ADCK2: variants seen among roughly 807,000 people sequenced by gnomAD.
The protein encoded by ADCK2 is uncharacterized aarF domain-containing protein kinase 2.
In ADCK2, 37 loss-of-function variants were observed where a neutral mutation model predicts 52.3. The ratio of observed to expected loss-of-function variants is 0.71; its 90% CI spans 0.54 to 0.93. The LOEUF (loss-of-function observed/expected upper bound fraction) is 0.93, where lower values mean the gene tolerates loss of function less well. Ranked by LOEUF, ADCK2 falls within the 40% of genes least tolerant of loss-of-function variation. The pLI, the probability that ADCK2 is intolerant of heterozygous loss-of-function variation, is 0.00. For missense variants in ADCK2, 695 were observed against 798.7 expected (o/e 0.87, Z 1.56); for synonymous variants, 321 against 349.2 (o/e 0.92, Z 0.90).
At chr7:140,684,065 G>T (rs1194450430) in intron 4 of ADCK2, among the ~76,000 whole-genome samples, 9 of 152,170 alleles carry the variant, frequency 5.9e-5, no homozygotes, top group Non-Finnish European at 1.0e-4. Context: ...GGAAAATGTG[G>T]ATGGTTGTCA....
Position 140,673,401 on chromosome 7 carries a change from G to A in ADCK2, c.71G>A (p.Gly24Glu), listed in dbSNP as rs1401218567. The change falls in exon 1 of 8, where the codon GGA becomes GAA. Residue 24 changes from glycine (G) to glutamate (E), a missense_variant. By Grantham distance (98) the Gly-to-Glu change is moderately conservative. Transcript: ENST00000072869. This position sits in a 1 kb window ranked among gnomAD's most constrained non-coding sequence, Gnocchi z 6.4. Reference sequence around the variant, plus strand: ...CTGAGGTGCTTCGAGCTCAGACAGGGACTCAGCCTCCTGAGGCCCTCCGAG... The same window carrying A: ...CTGAGGTGCTTCGAGCTCAGACAGGAACTCAGCCTCCTGAGGCCCTCCGAG... ...SHLRCFELRQ[G>E]LSLLRPSECP... 5 of 1,582,368 alleles carry A rather than the reference G, an allele frequency of 3.2e-6. No homozygotes were observed. The highest frequency in any genetic ancestry group is 4.3e-6 in the Non-Finnish European group (5 of 1,164,824).
At chr7:140,694,277 C>G (rs1794757825) in intron 7 of ADCK2, among the ~76,000 whole-genome samples, 1 of 152,150 alleles carries the variant, frequency 6.6e-6, no homozygotes, top group South Asian at 2.1e-4. Flanking sequence ...GAGTGAGACC[C>G]TGTCTCTAAA....
Position 140,673,561 on chromosome 7 carries a change from C to G in ADCK2, c.231C>G (p.Gly77=). ...GGGTCCGCTGCAGCGGGGCGGCTGG[C>G]GCGGGGCCCGCGGAGAGCCTCCCCC... The part of the protein sequence containing the change: ...RRRVRCSGAA[G]AGPAESLPRA... Residue 77 remains glycine (G), a synonymous_variant, in exon 1 of 8, where the codon GGC becomes GGG. Coordinates refer to ENST00000072869, the MANE Select transcript of ADCK2 (RefSeq NM_052853.4). This position sits in a 1 kb window ranked among gnomAD's most constrained non-coding sequence, Gnocchi z 6.4. 6.2e-7 allele frequency: 1 copy of G among 1,600,252 alleles called. No homozygotes were observed. Among genetic ancestry groups the G allele is most frequent in the Non-Finnish European group, 8.5e-7 (1 of 1,177,160 alleles).
chr7:140,675,870 A>T (rs1794401137), intron 2 of ADCK2, among the ~76,000 whole-genome samples: 1 of 152,212 alleles, frequency 6.6e-6, no homozygotes, highest in East Asian at 1.9e-4. Flanking sequence ...TTGTATAAGG[A>T]TACAGACTTA....
intron 5 of ADCK2, 31 bp from the exon 6 acceptor site, chr7:140,689,566 C>T (rs1185247000): frequency 6.4e-7 from 1 of 1,572,896 alleles, no homozygotes; most frequent in Non-Finnish European, 8.7e-7. Flanking sequence ...GCTAGCTCCA[C>T]TCCAAGTCCC....
Position 140,673,568 on chromosome 7 carries a change from C to T in ADCK2, c.238C>T (p.Pro80Ser). 1 of 1,601,376 alleles carries T rather than the reference C, an allele frequency of 6.2e-7. No individual in the cohort carries two copies. The highest frequency in any genetic ancestry group is 8.5e-7 in the Non-Finnish European group (1 of 1,177,626). ...VRCSGAAGAG[P>S]AESLPRAGPL... ...CTGCAGCGGGGCGGCTGGCGCGGGGCCCGCGGAGAGCCTCCCCCGAGCGGG... is the reference window on the plus strand; with the variant it reads ...CTGCAGCGGGGCGGCTGGCGCGGGGTCCGCGGAGAGCCTCCCCCGAGCGGG... Residue 80 changes from proline (P) to serine (S), a missense_variant, in exon 1 of 8, where the codon CCC (proline) becomes TCC (serine). By Grantham distance (74) the Pro-to-Ser change is moderately conservative. Coordinates refer to ENST00000072869, the MANE Select transcript of ADCK2 (RefSeq NM_052853.4). The surrounding 1 kb of genome is among the most constrained non-coding windows in gnomAD (Gnocchi z 6.4).
intron 4 of ADCK2, among the ~76,000 whole-genome samples, chr7:140,686,343 C>T (rs979508790): frequency 1.3e-5 from 2 of 152,138 alleles, no homozygotes; most frequent in African/African-American, 2.4e-5. Flanking sequence ...TGCAGTGGCA[C>T]GATCTCGGCT....
chr7:140,673,839 T>G lies in ADCK2; in HGVS notation c.509T>G (p.Leu170Arg), dbSNP rs1310949681. Residue 170 changes from leucine (L) to arginine (R), a missense_variant, in exon 1 of 8, where the codon CTG becomes CGG. Leu to Arg is a moderately radical substitution (Grantham distance 102). Coordinates refer to ENST00000072869, the MANE Select transcript of ADCK2 (RefSeq NM_052853.4). This position sits in a 1 kb window ranked among gnomAD's most constrained non-coding sequence, Gnocchi z 6.4. The part of the protein sequence containing the change: ...SEAFCAQFSK[L>R]HVRVTPHPWT... ...GCTTTCTGTGCCCAATTTTCCAAGC[T>G]GCATGTCCGAGTGACGCCCCACCCG... 1 of 1,613,848 alleles carries G rather than the reference T, an allele frequency of 6.2e-7. No homozygotes were observed. The highest frequency in any genetic ancestry group is 8.5e-7 in the Non-Finnish European group (1 of 1,180,038).
At chr7:140,684,423 G>A (rs367679085) in intron 4 of ADCK2, among the ~76,000 whole-genome samples, 5 of 152,280 alleles carry the variant, frequency 3.3e-5, no homozygotes, top group African/African-American at 1.2e-4. Flanking sequence ...CCCCATGCAG[G>A]AGATCTTAGA....
chr7:140,678,035 T>G lies in ADCK2; in HGVS notation c.1081-1120T>G, dbSNP rs1250330096. On this transcript the variant is annotated intron_variant, in intron 2 of 7. Transcript: ENST00000072869. The surrounding 1 kb of genome is among the most constrained non-coding windows in gnomAD (Gnocchi z 4.9). ...AAATCATGACCCACCTGGATGCCATTCTAAGGAGTGCAGACTTCACCATGC... is the reference window on the plus strand; with the variant it reads ...AAATCATGACCCACCTGGATGCCATGCTAAGGAGTGCAGACTTCACCATGC... Among the ~76,000 whole-genome samples, 6 of 151,992 alleles carry G rather than the reference T, an allele frequency of 3.9e-5. 1 individual carries two copies. The East Asian group carries it at 1.2e-3, about 29-fold the overall frequency.
chr7:140,674,465 G>T lies in ADCK2; in HGVS notation c.934-146G>T. 8.7e-7 allele frequency: 1 copy of T among 1,151,712 alleles called. No individual in the cohort carries two copies. Among genetic ancestry groups the T allele is most frequent in the Admixed American group, 2.8e-5 (1 of 35,318 alleles). 71.3% of individuals were successfully genotyped at this position (1,151,712 alleles called of 1,614,324 possible). On this transcript the variant is annotated intron_variant, in intron 1 of 7. Coordinates refer to ENST00000072869, the MANE Select transcript of ADCK2 (RefSeq NM_052853.4). This position sits in a 1 kb window ranked among gnomAD's most constrained non-coding sequence, Gnocchi z 4.6. ...GAGGAAAATGAACTGAGTCTGGAGT[G>T]AACTAACTGCTTGGGTGTCGGGACC...
Position 140,694,772 on chromosome 7 carries a change from T to A in ADCK2, c.1850T>A (p.Phe617Tyr), listed in dbSNP as rs1343596956. 1 of 1,613,782 alleles carries A rather than the reference T, an allele frequency of 6.2e-7. No individual in the cohort carries two copies. The change falls in exon 8 of 8, where the codon TTC (phenylalanine) becomes TAC (tyrosine). Residue 617 changes from phenylalanine (F) to tyrosine (Y), a missense_variant. Coordinates refer to ENST00000072869, the MANE Select transcript of ADCK2 (RefSeq NM_052853.4). ...KLDILEAARP[F>Y]LLTGPVCPP ...GACATCCTGGAGGCAGCGAGGCCCT[T>A]CCTCCTCACGGGCCCAGTGTGCCCC...
At chr7:140,690,931 T>C (rs1289504256) in intron 7 of ADCK2, 118 bp downstream of exon 7, 3 of 996,818 alleles carry the variant, frequency 3.0e-6, no homozygotes, top group African/African-American at 1.7e-5. Flanking sequence ...TTGTTGTTGT[T>C]TTTCTTTTTT....
At position 140,681,115 on chromosome 7, in the gene ADCK2, GGATCAACATGCTCCTGAA is replaced by G; in HGVS notation, c.1287_1304del (p.Ile429_Lys434del). 6.2e-7 allele frequency: 1 copy of G among 1,614,094 alleles called. No individual in the cohort carries two copies. The highest frequency in any genetic ancestry group is 8.5e-7 in the Non-Finnish European group (1 of 1,180,010). On this transcript the variant is annotated inframe_deletion, in exon 4 of 8. Coordinates refer to ENST00000072869, the MANE Select transcript of ADCK2 (RefSeq NM_052853.4). ...TTGAAAAGGAAGATTGCACGGCTGG[GGATCAACATGCTCCTGAA>G]GATGGTGAGCTCATGGCTGGAGCGG...
intron 7 of ADCK2, among the ~76,000 whole-genome samples, chr7:140,691,071 T>A (rs1478489612): frequency 6.6e-6 from 1 of 151,550 alleles, no homozygotes; most frequent in Non-Finnish European, 1.5e-5. Context: ...GATTACAGGC[T>A]CCCACCACCA....
chr7:140,687,028 TG>T lies in ADCK2; in HGVS notation c.1346del (p.Gly449GlufsTer57), dbSNP rs746518105. On this transcript the variant is annotated frameshift_variant, in exon 5 of 8. Transcript: ENST00000072869. LOFTEE classifies it high-confidence loss of function. Reference protein sequence around the residue: ...DNFVHADLHPGNILVQGANGL... With the variant: ...DNFVHADLHPXNILVQGANGL... ...ACTTTGTCCATGCAGACCTTCACCC[TG>T]GAAACATCCTGGTTCAGGGTGCCAA... is the stretch of plus-strand genomic sequence containing the variant. 3.1e-6 allele frequency: 5 copies of T among 1,614,190 alleles called. No homozygotes were observed. The East Asian group carries it at 8.9e-5, about 29-fold the overall frequency.
intron 3 of ADCK2, 111 bp from the exon 4 acceptor site, chr7:140,680,931 T>C (rs1794504336): frequency 1.1e-6 from 1 of 894,398 alleles, no homozygotes; most frequent in East Asian, 2.5e-5. Context: ...AAATACTCTT[T>C]GGGTTACTTC....
At chr7:140,680,975 G>C (rs561578594) in intron 3 of ADCK2, 67 bp from the exon 4 acceptor site, 1 of 1,430,426 alleles carries the variant, frequency 7.0e-7, no homozygotes, top group African/African-American at 1.4e-5. Context: ...GTGGTGCCAC[G>C]TGGGAGGAGG....
rs1446587410 is a variant in ADCK2 at position 140,690,830 on chromosome 7, G to A, written c.1740+17G>A. ...ACTCACAAGGTGAGGGCCATTCAGA[G>A]GGGAGGTCTCTGGGGAAGGTGGGAC... On this transcript the variant is annotated intron_variant, in intron 7 of 7. Coordinates refer to ENST00000072869, the MANE Select transcript of ADCK2 (RefSeq NM_052853.4). 1.2e-6 allele frequency: 2 copies of A among 1,613,064 alleles called. No individual in the cohort carries two copies. The highest frequency in any genetic ancestry group is 1.7e-6 in the Non-Finnish European group (2 of 1,179,376).
Sources: allele counts gnomAD v4.1 joint callset (sites outside exome capture counted in the v4.1 genomes callset), GRCh38; gene constraint gnomAD v4.1.1; non-coding constraint Gnocchi (gnomAD v3.1); transcripts MANE v1.5; gene names NCBI Gene and HGNC (gene_info 2026-07-23, HGNC 2026-07-21).